The following CDIP1 variants were observed in gnomAD, a reference collection of about 807,000 sequenced individuals.
The protein encoded by CDIP1 is cell death inducing p53 target 1, also known as cell death-inducing p53-target protein 1.
CDIP1 carries 9 observed loss-of-function variants against 17.7 expected under a neutral mutation model. The ratio of observed to expected loss-of-function variants is 0.51; its 90% confidence interval spans 0.31 to 0.89. The LOEUF (loss-of-function observed/expected upper bound fraction) is 0.89, where lower values mean the gene tolerates loss of function less well. Ranked by LOEUF, CDIP1 falls within the 40% of genes least tolerant of loss-of-function variation. The pLI is 0.05. For synonymous variants in CDIP1, 117 were observed against 109.5 expected, an observed-to-expected ratio of 1.07 and a Z score of -0.43; for missense variants, 263 against 277.9, an observed-to-expected ratio of 0.95 and a Z score of 0.38.
At position 4,510,977 on chromosome 16, in the gene CDIP1, C is replaced by A. The variant is rs2058821441; in HGVS notation, c.*1595G>T. On this transcript the variant is annotated 3_prime_UTR_variant, in exon 6 of 6. Transcript: ENST00000567695. Reference sequence around the variant, plus strand: ...GGGCTGGATGATGCTGTGCTCAAGCCTGCGGGTAGGAGGGCTCCAGCTTGC... The same window carrying A: ...GGGCTGGATGATGCTGTGCTCAAGCATGCGGGTAGGAGGGCTCCAGCTTGC... 6.6e-6 allele frequency: 1 copy of A among 152,212 alleles called. No homozygotes were observed. The highest frequency in any genetic ancestry group is 1.5e-5 in the Non-Finnish European group (1 of 68,064). The allele number at this position is 152,212 out of a possible 1,614,324, so 9.4% of individuals were successfully genotyped here.
At chr16:4,525,329 G>A (rs939215755) in intron 1 of CDIP1, among the ~76,000 whole-genome samples, 5 of 152,120 alleles carry the variant, frequency 3.3e-5, no homozygotes, top group South Asian at 4.2e-4. Context: ...GCCTTGGAGC[G>A]AGGACACATT....
chr16:4,523,012 G>A (rs1286613293), intron 1 of CDIP1, among the ~76,000 whole-genome samples: 1 of 152,220 alleles, frequency 6.6e-6, no homozygotes, highest in Non-Finnish European at 1.5e-5. Context: ...CAGCGTGAGG[G>A]TCATTAGGAG....
intron 1 of CDIP1, among the ~76,000 whole-genome samples, chr16:4,522,781 A>C (rs1355444215): frequency 6.6e-6 from 1 of 152,224 alleles, no homozygotes; most frequent in Non-Finnish European, 1.5e-5. Context: ...AGCACCCTGC[A>C]GGGACAGGGC....
intron 1 of CDIP1, among the ~76,000 whole-genome samples, chr16:4,527,475 A>G (rs1013173833): frequency 2.0e-5 from 3 of 152,210 alleles, no homozygotes; most frequent in Admixed American, 6.5e-5. Context: ...GGCCTCTAGG[A>G]ACTATGATGA....
chr16:4,531,195 G>GT (rs1372904553), intron 1 of CDIP1, among the ~76,000 whole-genome samples: 2 of 151,856 alleles, frequency 1.3e-5, no homozygotes, highest in Admixed American at 6.6e-5. Context: ...CACCCAGCTA[G>GT]TTTTTTGTAT....
rs375027642 is a variant in CDIP1 at position 4,512,712 on chromosome 16, G to A, written c.516-29C>T. The A allele has an allele frequency of 3.7e-6, 6 of 1,608,636 alleles. No homozygotes were observed. The highest frequency in any genetic ancestry group is 5.1e-6 in the Non-Finnish European group (6 of 1,175,602). On this transcript the variant is annotated intron_variant, in intron 5 of 5. Coordinates refer to ENST00000567695, the MANE Select transcript of CDIP1 (RefSeq NM_013399.3). This position sits in a 1 kb window ranked among gnomAD's most constrained non-coding sequence, Gnocchi z 4.6. ...AATCAGAGACAGGGAAGAACAGGCT[G>A]AGGCCTGCTGCGGAGGAGGCAGAGG...
At chr16:4,525,226 C>T (rs1193633519) in intron 1 of CDIP1, among the ~76,000 whole-genome samples, 1 of 152,140 alleles carries the variant, frequency 6.6e-6, no homozygotes, top group Non-Finnish European at 1.5e-5. Context: ...TCAGCCAGTA[C>T]AGAGGCCAAG....
At position 4,511,109 on chromosome 16, in the gene CDIP1, C is replaced by A. The variant is rs1342059742; in HGVS notation, c.*1463G>T. The A allele has an allele frequency of 1.3e-5, 2 of 152,204 alleles. No homozygotes were observed. The highest frequency in any genetic ancestry group is 2.9e-5 in the Non-Finnish European group (2 of 68,070). The allele number at this position is 152,204 out of a possible 1,614,324, so 9.4% of individuals were successfully genotyped here. ...ACCAACGTGTGCCCTGGCCCAGTCA[C>A]AGCTGGAAATCCCAGGGCTGGTCTA... On this transcript the variant is annotated 3_prime_UTR_variant, in exon 6 of 6. Coordinates refer to ENST00000567695, the MANE Select transcript of CDIP1 (RefSeq NM_013399.3).
intron 1 of CDIP1, among the ~76,000 whole-genome samples, chr16:4,518,096 C>T (rs2058906715): frequency 6.6e-6 from 1 of 152,218 alleles, no homozygotes; most frequent in Non-Finnish European, 1.5e-5. Context: ...ATAAGCTGCA[C>T]TGTGCTTGGT....
chr16:4,520,870 G>C lies in CDIP1; in HGVS notation c.-104-6206C>G, dbSNP rs146384465. 2.6e-3 allele frequency among the ~76,000 whole-genome samples: 397 copies of C among 152,330 alleles called. 3 individuals are homozygous for C. Among genetic ancestry groups the C allele is most frequent in the African/African-American group, 8.9e-3 (371 of 41,582 alleles). On this transcript the variant is annotated intron_variant, in intron 1 of 5. Transcript: ENST00000567695. ...ATCTGAATAACCACGGTGTGTGCCA[G>C]TTGTTCTTTAAGTGAAGATGGAGTC...
intron 1 of CDIP1, among the ~76,000 whole-genome samples, chr16:4,521,970 T>G (rs2058954575): frequency 6.6e-6 from 1 of 152,176 alleles, no homozygotes; most frequent in Non-Finnish European, 1.5e-5. Flanking sequence ...TTAGGCAACT[T>G]CCAACAGGGA....
Position 4,513,612 on chromosome 16 carries a change from C to G in CDIP1, c.241+84G>C, listed in dbSNP as rs2058856127. The G allele has an allele frequency of 5.7e-6, 7 of 1,235,920 alleles. No homozygotes were observed. The highest frequency in any genetic ancestry group is 5.4e-5 in the South Asian group (4 of 73,980). 76.6% of individuals were successfully genotyped at this position (1,235,920 alleles called of 1,614,324 possible). On this transcript the variant is annotated intron_variant, in intron 4 of 5. Coordinates refer to ENST00000567695, the MANE Select transcript of CDIP1 (RefSeq NM_013399.3). This position sits in a 1 kb window ranked among gnomAD's most constrained non-coding sequence, Gnocchi z 4.1. The stretch of plus-strand genomic sequence containing the variant: ...TGGAGTCCCTGCCCTACAGCAGATG[C>G]CCACCTGTACTGAGGACAGCCAGCG...
intron 1 of CDIP1, among the ~76,000 whole-genome samples, chr16:4,528,864 C>T (rs777412368): frequency 4.0e-4 from 61 of 152,154 alleles, no homozygotes; most frequent in Non-Finnish European, 7.5e-4. Context: ...TGGCGCATGC[C>T]TGTAATTCCA....
chr16:4,529,622 C>T (rs1161810677), intron 1 of CDIP1, among the ~76,000 whole-genome samples: 1 of 152,168 alleles, frequency 6.6e-6, no homozygotes, highest in Admixed American at 6.5e-5. Context: ...ACAAGGCTGA[C>T]TAATTTTAGA....
At position 4,512,719 on chromosome 16, in the gene CDIP1, G is replaced by A; in HGVS notation, c.516-36C>T. On this transcript the variant is annotated intron_variant, in intron 5 of 5. Coordinates refer to ENST00000567695, the MANE Select transcript of CDIP1 (RefSeq NM_013399.3). This position sits in a 1 kb window ranked among gnomAD's most constrained non-coding sequence, Gnocchi z 4.6. ...GACAGGGAAGAACAGGCTGAGGCCT[G>A]CTGCGGAGGAGGCAGAGGCAGCCAG... 1 of 1,605,830 alleles carries A rather than the reference G, an allele frequency of 6.2e-7. No individual in the cohort carries two copies. Among genetic ancestry groups the A allele is most frequent in the Non-Finnish European group, 8.5e-7 (1 of 1,173,214 alleles).
At chr16:4,515,657 G>A (rs1488341005) in intron 1 of CDIP1, among the ~76,000 whole-genome samples, 1 of 152,176 alleles carries the variant, frequency 6.6e-6, no homozygotes, top group African/African-American at 2.4e-5. Flanking sequence ...AAAAGCACAT[G>A]AAAAACTACT....
Position 4,512,237 on chromosome 16 carries a change from T to C in CDIP1, c.*335A>G, listed in dbSNP as rs2058837712. The C allele has an allele frequency of 2.6e-6, 1 of 388,132 alleles. No homozygotes were observed. Among genetic ancestry groups the C allele is most frequent in the East Asian group, 5.5e-5 (1 of 18,102 alleles). The allele number at this position is 388,132 out of a possible 1,614,324, so 24.0% of individuals were successfully genotyped here. On this transcript the variant is annotated 3_prime_UTR_variant, in exon 6 of 6. Coordinates refer to ENST00000567695, the MANE Select transcript of CDIP1 (RefSeq NM_013399.3). The surrounding 1 kb of genome is among the most constrained non-coding windows in gnomAD (Gnocchi z 4.6). ...GGTCCCAGGGGGAAAGAGTCTGGAC[T>C]GAACCTGTACCTTGTTTGGAAACAG...
At chr16:4,526,658 C>A (rs2059004023) in intron 1 of CDIP1, among the ~76,000 whole-genome samples, 1 of 150,928 alleles carries the variant, frequency 6.6e-6, no homozygotes, top group Admixed American at 6.6e-5. Flanking sequence ...TGAGATCGCG[C>A]CACTACACTC....
intron 1 of CDIP1, among the ~76,000 whole-genome samples, chr16:4,523,590 A>AC (rs1446501168): frequency 1.3e-5 from 2 of 151,612 alleles, no homozygotes; most frequent in African/African-American, 4.9e-5. Context: ...TTAAATAATC[A>AC]CCCCCCTCGC....
Sources: allele counts gnomAD v4.1 joint callset (sites outside exome capture counted in the v4.1 genomes callset), GRCh38; gene constraint gnomAD v4.1.1; non-coding constraint Gnocchi (gnomAD v3.1); transcripts MANE v1.5; gene names NCBI Gene and HGNC (gene_info 2026-07-23, HGNC 2026-07-21).